Variants in TTLL6 observed in about 807,000 individuals in gnomAD.
The protein encoded by TTLL6 is tubulin tyrosine ligase like 6, also known as tubulin polyglutamylase TTLL6.
In TTLL6, 75 loss-of-function variants were observed where a neutral mutation model predicts 96.4. The observed-to-expected ratio is 0.78, with a 90% CI of 0.65 to 0.94. The LOEUF (loss-of-function observed/expected upper bound fraction) is 0.94. TTLL6 is among the 40% of genes least tolerant of loss of function. The probability of loss-of-function intolerance (pLI) is 0.00; values close to 1 mark genes in which losing one functional copy is unlikely to be tolerated. For missense variants in TTLL6, 1,030 were observed against 1,093.0 expected (o/e 0.94, Z 0.81); for synonymous variants, 411 against 419.4 (o/e 0.98, Z 0.24).
chr17:48,793,507 C>G (rs759578630), intron 8 of TTLL6, among the ~76,000 whole-genome samples: 3 of 151,680 alleles, frequency 2.0e-5, no homozygotes, highest in Non-Finnish European at 4.4e-5. Context: ...GCAAGAGAAT[C>G]GCTTGAATCC....
chr17:48,777,169 T>C (rs777906163), intron 13 of TTLL6, among the ~76,000 whole-genome samples: 1 of 152,194 alleles, frequency 6.6e-6, no homozygotes. Context: ...TTACAATAAA[T>C]AGTTTTGGAA....
intron 10 of TTLL6, 86 bp from the exon 11 acceptor site, chr17:48,788,085 G>A: frequency 7.7e-7 from 1 of 1,293,442 alleles, no homozygotes; most frequent in African/African-American, 1.5e-5. Flanking sequence ...AGGTCGTCTA[G>A]GGCCAGATGG....
chr17:48,786,013 G>T, intron 12 of TTLL6, 151 bp downstream of exon 12: 1 of 1,164,520 alleles, frequency 8.6e-7, no homozygotes, highest in Non-Finnish European at 1.2e-6. Context: ...TGCCTTCAGG[G>T]CTCCCCGCAC....
At chr17:48,790,640 C>T (rs1188023267) in intron 9 of TTLL6, among the ~76,000 whole-genome samples, 2 of 152,174 alleles carry the variant, frequency 1.3e-5, no homozygotes, top group African/African-American at 4.8e-5. Context: ...TCATTCTGCT[C>T]TTTGGGTAAG....
At chr17:48,785,324 G>A (rs2039070447) in intron 12 of TTLL6, 123 bp from the exon 13 acceptor site, 1 of 1,406,040 alleles carries the variant, frequency 7.1e-7, no homozygotes, top group Non-Finnish European at 9.6e-7. Context: ...CGATAGTAAA[G>A]TCTCTCTAAT....
chr17:48,813,060 A>T (rs1235319597), intron 1 of TTLL6, among the ~76,000 whole-genome samples: 1 of 152,176 alleles, frequency 6.6e-6, no homozygotes, highest in Non-Finnish European at 1.5e-5. Flanking sequence ...TCTATTACAG[A>T]TGAGAAGACT....
intron 6 of TTLL6, among the ~76,000 whole-genome samples, chr17:48,798,879 G>A (rs1174502994): frequency 6.9e-6 from 1 of 144,552 alleles, no homozygotes; most frequent in Non-Finnish European, 1.5e-5. Context: ...GCCCAGGCTG[G>A]AATGCAGTGG....
intron 14 of TTLL6, 68 bp downstream of exon 14, chr17:48,769,660 A>G: frequency 6.5e-7 from 1 of 1,547,486 alleles, no homozygotes; most frequent in Non-Finnish European, 8.7e-7. Context: ...CCCAAAGATT[A>G]GGACTGGTTC....
chr17:48,792,153 C>A (rs1315108148), intron 8 of TTLL6, among the ~76,000 whole-genome samples: 1 of 152,214 alleles, frequency 6.6e-6, no homozygotes, highest in East Asian at 1.9e-4. Context: ...GCAAACTGGA[C>A]TGTCCCAGTT....
chr17:48,785,707 C>A (rs1359993021), intron 12 of TTLL6, among the ~76,000 whole-genome samples: 1 of 152,104 alleles, frequency 6.6e-6, no homozygotes, highest in East Asian at 1.9e-4. Context: ...AGAGACCCAG[C>A]CATGACCGAC....
At chr17:48,808,659 C>G (rs2039538953) in intron 1 of TTLL6, among the ~76,000 whole-genome samples, 2 of 152,176 alleles carry the variant, frequency 1.3e-5, no homozygotes, top group Non-Finnish European at 2.9e-5. Flanking sequence ...ACCTCCATCT[C>G]CTGGGTTCAA....
chr17:48,809,851 CA>C (rs1382939570), intron 1 of TTLL6, among the ~76,000 whole-genome samples: 2 of 151,238 alleles, frequency 1.3e-5, no homozygotes, highest in Non-Finnish European at 2.9e-5. Context: ...GACCCTGTCT[CA>C]AAAAAAGAAA....
At chr17:48,769,363 A>C in intron 14 of TTLL6, 109 bp from the exon 15 acceptor site, 1 of 1,351,888 alleles carries the variant, frequency 7.4e-7, no homozygotes, top group Non-Finnish European at 1.0e-6. Context: ...ACTGCCATTC[A>C]AAGCTCTTTG....
chr17:48,779,540 T>C (rs1216291170), intron 13 of TTLL6, among the ~76,000 whole-genome samples: 1 of 152,168 alleles, frequency 6.6e-6, no homozygotes, highest in Non-Finnish European at 1.5e-5. Flanking sequence ...CCAGTGATCC[T>C]TCTCCTAGGT....
At chr17:48,765,203 G>A (rs2038576598) in intron 15 of TTLL6, among the ~76,000 whole-genome samples, 1 of 152,114 alleles carries the variant, frequency 6.6e-6, no homozygotes, top group South Asian at 2.1e-4. Flanking sequence ...TTTGAGGGCA[G>A]GAGTTCAAGA....
At chr17:48,764,131 G>A (rs980623462) in intron 15 of TTLL6, among the ~76,000 whole-genome samples, 5 of 151,150 alleles carry the variant, frequency 3.3e-5, no homozygotes, top group African/African-American at 1.2e-4. Flanking sequence ...GTGAGAACCT[G>A]ACTCAAAAAA....
chr17:48,797,788 A>G (rs573115719), intron 6 of TTLL6, among the ~76,000 whole-genome samples: 204 of 3,734 alleles, frequency 0.055, 3 homozygotes, highest in Admixed American at 0.085. Flanking sequence ...ACTCCATCTC[A>G]AAAAAAAAAA....
chr17:48,809,126 C>T (rs7214502), intron 1 of TTLL6, among the ~76,000 whole-genome samples: 4,229 of 150,610 alleles, frequency 0.028, 212 homozygotes, highest in African/African-American at 0.097. Context: ...GTTACGTCAG[C>T]CAAGGATTGC....
rs1216534622 is a variant in TTLL6, at chr17:48,786,252, G to A, written c.1673C>T (p.Ala558Val). The A allele has an allele frequency of 1.9e-6, 3 of 1,614,214 alleles. No homozygotes were observed. The highest frequency in any genetic ancestry group is 2.2e-5 in the South Asian group (2 of 91,086). The change falls in exon 12 of 16, where the codon GCA becomes GTA. Residue 558 changes from alanine to valine, a missense_variant. Transcript: ENST00000393382. ...KKKVEMQGES[A>V]GEQVRKKGMR... Reference sequence around the variant, plus strand: ...GCCCTTCTTTCTCACTTGCTCGCCTGCCGATTCCCCCTGCATCTCTACCTT... The same window carrying A: ...GCCCTTCTTTCTCACTTGCTCGCCTACCGATTCCCCCTGCATCTCTACCTT...
Sources: allele counts gnomAD v4.1 joint callset (sites outside exome capture counted in the v4.1 genomes callset), GRCh38; gene constraint gnomAD v4.1.1; transcripts MANE v1.5; gene names NCBI Gene and HGNC (gene_info 2026-07-23, HGNC 2026-07-21).